The following IL33 variants were observed in gnomAD, a reference collection of about 807,000 sequenced individuals.
The protein encoded by IL33 is interleukin 33.
In IL33, 37 loss-of-function variants were observed where a neutral mutation model predicts 27.3. The observed-to-expected ratio is 1.36, with a 90% CI of 1.04 to 1.78. The LOEUF is 1.78. Ranked by LOEUF, IL33 falls within the 40% of genes most tolerant of loss-of-function variation. The pLI is 0.00. For missense variants in IL33, 406 were observed against 311.4 expected, an observed-to-expected ratio of 1.30 and a Z score of -2.29; for synonymous variants, 132 against 102.9, an observed-to-expected ratio of 1.28 and a Z score of -1.71.
At chr9:6,227,298 C>A (rs1468139593) in intron 1 of IL33, among the ~76,000 whole-genome samples, 1 of 152,162 alleles carries the variant, frequency 6.6e-6, no homozygotes, top group African/African-American at 2.4e-5. Flanking sequence ...TGTAATTCTT[C>A]CTCTTTGTCT....
chr9:6,226,397 G>C (rs1458398583), intron 1 of IL33, among the ~76,000 whole-genome samples: 2 of 152,016 alleles, frequency 1.3e-5, no homozygotes, highest in African/African-American at 4.8e-5. Context: ...CTGGAATGTT[G>C]TCAGCCATTA....
At chr9:6,250,344 A>C (rs903963293) in intron 2 of IL33, 130 bp from the exon 3 acceptor site, 2 of 1,077,172 alleles carry the variant, frequency 1.9e-6, no homozygotes, top group South Asian at 3.6e-5. Context: ...TTTGAAACAC[A>C]GCTGAGTTAA....
At chr9:6,222,684 C>T (rs1818462656) in intron 1 of IL33, among the ~76,000 whole-genome samples, 1 of 152,206 alleles carries the variant, frequency 6.6e-6, no homozygotes, top group Admixed American at 6.6e-5. Flanking sequence ...CAATTTAGCA[C>T]ATGGAATCCC....
At position 6,257,096 on chromosome 9, in the gene IL33, T is replaced by A. The variant is rs1350650122; in HGVS notation, c.*928T>A. On this transcript the variant is annotated 3_prime_UTR_variant, in exon 8 of 8. Transcript: ENST00000682010. ...ATCTTCTAACCTACCAGAGCCTAGA[T>A]GAGACACCGAATTAACATTAAAATT... The A allele has an allele frequency of 6.6e-6, 1 of 152,120 alleles. No individual in the cohort carries two copies. Among genetic ancestry groups the A allele is most frequent in the Non-Finnish European group, 1.5e-5 (1 of 68,018 alleles). The allele number at this position is 152,120 out of a possible 1,614,324, so 9.4% of individuals were successfully genotyped here. A position where few individuals can be genotyped will look rare whatever the true frequency, so the allele number is the denominator to read the frequency against.
At chr9:6,241,806 T>C (rs781325166) in intron 2 of IL33, 21 bp downstream of exon 2, 4 of 1,535,090 alleles carry the variant, frequency 2.6e-6, no homozygotes, top group East Asian at 4.5e-5. Flanking sequence ...AAGTTATCTC[T>C]GAATGTTTTA....
At chr9:6,237,890 C>G (rs918525052) in intron 1 of IL33, among the ~76,000 whole-genome samples, 4 of 152,154 alleles carry the variant, frequency 2.6e-5, no homozygotes, top group Non-Finnish European at 2.9e-5. Flanking sequence ...ACTTCATTAT[C>G]TACTGTGTGC....
intron 1 of IL33, among the ~76,000 whole-genome samples, chr9:6,238,336 G>A (rs1042439265): frequency 6.6e-6 from 1 of 152,164 alleles, no homozygotes; most frequent in Non-Finnish European, 1.5e-5. Flanking sequence ...GAGAATCAGA[G>A]GAAGAAAATA....
intron 2 of IL33, among the ~76,000 whole-genome samples, chr9:6,246,324 G>A (rs1056419318): frequency 6.6e-6 from 1 of 152,116 alleles, no homozygotes; most frequent in Non-Finnish European, 1.5e-5. Context: ...AGCACTTTGG[G>A]AGGCCAAGGT....
chr9:6,217,207 T>C (rs1383658661), intron 1 of IL33, among the ~76,000 whole-genome samples: 1 of 152,146 alleles, frequency 6.6e-6, no homozygotes, highest in East Asian at 1.9e-4. Context: ...TGAAGGTCAA[T>C]CTTAGCTTAT....
chr9:6,230,302 T>C (rs575071717), intron 1 of IL33, among the ~76,000 whole-genome samples: 128 of 152,288 alleles, frequency 8.4e-4, no homozygotes, highest in Non-Finnish European at 1.6e-3. Flanking sequence ...TAGGTATCTT[T>C]ATAGAGTATT....
At chr9:6,218,477 A>C (rs188412929) in intron 1 of IL33, among the ~76,000 whole-genome samples, 10 of 152,004 alleles carry the variant, frequency 6.6e-5, no homozygotes, top group Non-Finnish European at 1.3e-4. Flanking sequence ...TAGAGCTTAC[A>C]ACTAACTTCG....
At chr9:6,254,121 G>T (rs1011250755) in intron 6 of IL33, among the ~76,000 whole-genome samples, 3 of 152,140 alleles carry the variant, frequency 2.0e-5, no homozygotes, top group Non-Finnish European at 2.9e-5. Flanking sequence ...GGCAAGCTGG[G>T]GAATGTTCTA....
rs762904713 is a variant in IL33 at position 6,250,536 on chromosome 9, A to G, written c.154A>G (p.Met52Val). 11 of 1,614,030 alleles carry G rather than the reference A, an allele frequency of 6.8e-6. No homozygotes were observed. The East Asian group carries it at 8.9e-5, about 13-fold the overall frequency. ...MYFMKLRSGL[M>V]IKKEACYFRR... Reference sequence around the variant, plus strand: ...CTTTATGAAGCTCCGCTCTGGCCTTATGATAAAAAAGGAGGCCTGTTACTT... The same window carrying G: ...CTTTATGAAGCTCCGCTCTGGCCTTGTGATAAAAAAGGAGGCCTGTTACTT... The change falls in exon 3 of 8, where the codon ATG becomes GTG. Residue 52 changes from methionine (M) to valine (V), a missense_variant. By Grantham distance (21) the Met-to-Val change is conservative (BLOSUM62 1). Coordinates refer to ENST00000682010, the MANE Select transcript of IL33 (RefSeq NM_033439.4).
chr9:6,216,829 T>C (rs1048769361), intron 1 of IL33, among the ~76,000 whole-genome samples: 5 of 152,208 alleles, frequency 3.3e-5, no homozygotes, highest in African/African-American at 1.2e-4. Flanking sequence ...TAGTTTGGAA[T>C]TGTTCTTTAG....
intron 2 of IL33, among the ~76,000 whole-genome samples, chr9:6,246,250 T>C (rs920466667): frequency 6.6e-6 from 1 of 152,026 alleles, no homozygotes; most frequent in Non-Finnish European, 1.5e-5. Flanking sequence ...TGAAATGTAA[T>C]TACCATTGCG....
At chr9:6,222,764 G>A (rs1239800742) in intron 1 of IL33, among the ~76,000 whole-genome samples, 1 of 151,998 alleles carries the variant, frequency 6.6e-6, no homozygotes, top group Non-Finnish European at 1.5e-5. Context: ...CCTGCTTTCA[G>A]GCAGCAATTT....
intron 1 of IL33, among the ~76,000 whole-genome samples, chr9:6,229,586 T>C (rs564421547): frequency 6.6e-6 from 1 of 152,326 alleles, no homozygotes; most frequent in Non-Finnish European, 1.5e-5. Context: ...AACCAGGGAA[T>C]CTACCTCCAC....
Position 6,257,598 on chromosome 9 carries a change from T to C in IL33, c.*1430T>C, listed in dbSNP as rs1197368378. Reference sequence around the variant, plus strand: ...AGTCTTAGCAATTTCTATTACAACTTTTCTTAGACTTAACACTTATGATAA... The same window carrying C: ...AGTCTTAGCAATTTCTATTACAACTCTTCTTAGACTTAACACTTATGATAA... On this transcript the variant is annotated 3_prime_UTR_variant, in exon 8 of 8. Transcript: ENST00000682010. The C allele has an allele frequency of 6.6e-6, 1 of 152,640 alleles. No homozygotes were observed. The highest frequency in any genetic ancestry group is 2.4e-5 in the African/African-American group (1 of 41,474). 9.5% of individuals were successfully genotyped at this position (152,640 alleles called of 1,614,324 possible).
chr9:6,234,794 C>A (rs532275656), intron 1 of IL33, among the ~76,000 whole-genome samples: 82 of 152,246 alleles, frequency 5.4e-4, no homozygotes, highest in African/African-American at 1.9e-3. Context: ...GTGCTTCACA[C>A]AGACATAAAA....
Sources: allele counts gnomAD v4.1 joint callset (sites outside exome capture counted in the v4.1 genomes callset), GRCh38; gene constraint gnomAD v4.1.1; transcripts MANE v1.5; gene names NCBI Gene and HGNC (gene_info 2026-07-23, HGNC 2026-07-21).